The following LRP2 variants were observed in gnomAD, a reference collection of about 807,000 sequenced individuals.
The protein encoded by LRP2 is low-density lipoprotein receptor-related protein 2.
Under a neutral mutation model 531.0 loss-of-function variants are expected in LRP2, and 172 were observed. The ratio of observed to expected loss-of-function variants is 0.32; its 90% CI spans 0.29 to 0.37. LRP2 has a LOEUF of 0.37. LRP2 is among the 10% of genes least tolerant of loss of function. The probability of loss-of-function intolerance (pLI) is 1.00; values close to 1 mark genes in which losing one functional copy is unlikely to be tolerated. For missense variants in LRP2, 5,167 were observed against 5,868.3 expected, an observed-to-expected ratio of 0.88 and a Z score of 3.90; for synonymous variants, 1,992 against 2,027.6, an observed-to-expected ratio of 0.98 and a Z score of 0.47.
chr2:169,182,275 G>T lies in LRP2; in HGVS notation c.9890C>A (p.Ser3297Tyr). Residue 3297 changes from serine to tyrosine, a missense_variant, in exon 51 of 79, where the codon TCT (serine) becomes TAT (tyrosine). Ser to Tyr is a moderately radical substitution (Grantham distance 144, BLOSUM62 -2). Coordinates refer to ENST00000649046, the MANE Select transcript of LRP2 (RefSeq NM_004525.3). ...LDARLDGLFV[S>Y]DLNGGHRRML... is the part of the protein sequence containing the mutation. ...GCGGCGGTGTCCACCATTGAGGTCA[G>T]AGACAAAGAGGCCATCCAGGCGGGC... 1 of 1,614,082 alleles carries T rather than the reference G, an allele frequency of 6.2e-7. No individual in the cohort carries two copies. The highest frequency in any genetic ancestry group is 8.5e-7 in the Non-Finnish European group (1 of 1,179,962).
rs1001951284 is a variant in LRP2, at chr2:169,207,610, C to A, written c.6470-360G>T. Among the ~76,000 whole-genome samples the A allele has an allele frequency of 2.8e-4, 42 of 152,176 alleles. 1 individual carries two copies. Among genetic ancestry groups the A allele is most frequent in the African/African-American group, 1.0e-3 (42 of 41,452 alleles). On this transcript the variant is annotated intron_variant, in intron 38 of 78. Coordinates refer to ENST00000649046, the MANE Select transcript of LRP2 (RefSeq NM_004525.3). ...ACCTACTTGAAACACTCTAAATATA[C>A]ATTTTCATAGCACAACTTCCATCCC...
At chr2:169,284,322 T>G (rs1055627294) in intron 9 of LRP2, among the ~76,000 whole-genome samples, 2 of 131,998 alleles carry the variant, frequency 1.5e-5, no homozygotes, top group Non-Finnish European at 3.1e-5. Flanking sequence ...TGGAGTGCAG[T>G]GGCACAGTCT....
intron 4 of LRP2, among the ~76,000 whole-genome samples, chr2:169,305,933 C>T (rs1684402887): frequency 1.3e-5 from 2 of 152,022 alleles, no homozygotes. Flanking sequence ...ACAGTATATG[C>T]CTAGGGTATA....
At chr2:169,308,856 CTATTT>C (rs1559068482) in intron 3 of LRP2, among the ~76,000 whole-genome samples, 1 of 152,154 alleles carries the variant, frequency 6.6e-6, no homozygotes, top group East Asian at 1.9e-4. Flanking sequence ...AAAAGTGTTC[CTATTT>C]CTCCACATCC....
Position 169,172,069 on chromosome 2 carries a change from A to G in LRP2, c.11209T>C (p.Trp3737Arg). Residue 3737 changes from tryptophan to arginine, a missense_variant, in exon 58 of 79, where the codon TGG becomes CGG. Transcript: ENST00000649046. The part of the protein sequence containing the change: ...CKNHHCIPLR[W>R]QCDGQNDCGD... ...CAGTCATTTTGCCCATCACACTGCC[A>G]ACGAAGAGGGATGCAGTGGTGATTT... 6.2e-7 allele frequency: 1 copy of G among 1,614,244 alleles called. No individual in the cohort carries two copies. The highest frequency in any genetic ancestry group is 8.5e-7 in the Non-Finnish European group (1 of 1,180,028).
intron 78 of LRP2, 57 bp downstream of exon 78, chr2:169,128,956 C>T: frequency 6.5e-7 from 1 of 1,545,624 alleles, no homozygotes; most frequent in Non-Finnish European, 8.9e-7. Context: ...CCAATTTAAC[C>T]AAGCAAATAA....
intron 16 of LRP2, among the ~76,000 whole-genome samples, chr2:169,264,700 T>C (rs1034946773): frequency 6.6e-6 from 1 of 152,044 alleles, no homozygotes; most frequent in Middle Eastern, 3.4e-3. Context: ...CACCCACATA[T>C]GCAGAAGCCT....
chr2:169,315,859 C>G (rs2673167), intron 3 of LRP2, among the ~76,000 whole-genome samples: 50,033 of 149,480 alleles, frequency 0.33, 8,857 homozygotes, highest in African/African-American at 0.47. Context: ...CATGGTGGCT[C>G]ACACCTATCA....
chr2:169,294,933 A>G (rs989560531), intron 4 of LRP2, among the ~76,000 whole-genome samples: 3 of 152,152 alleles, frequency 2.0e-5, no homozygotes, highest in Non-Finnish European at 2.9e-5. Context: ...ACAAACTGGG[A>G]TAAGTGCTAA....
At chr2:169,170,702 CCAGGAATCACATA>C (rs1304242559) in intron 58 of LRP2, 35 bp from the exon 59 acceptor site, 1 of 1,407,974 alleles carries the variant, frequency 7.1e-7, no homozygotes, top group Admixed American at 1.7e-5. Flanking sequence ...TGAGTGTGCA[CCAGGAATCACATA>C]CAGGAGACAT....
At chr2:169,182,538 T>C (rs1687478910) in intron 50 of LRP2, 3 of 1,418,410 alleles carry the variant, frequency 2.1e-6, no homozygotes, top group Non-Finnish European at 2.8e-6. Context: ...CACTTTAAGG[T>C]GGTGTCATGT....
chr2:169,354,350 T>A (rs921518328), intron 1 of LRP2, among the ~76,000 whole-genome samples: 2 of 152,224 alleles, frequency 1.3e-5, no homozygotes, highest in African/African-American at 4.8e-5. Flanking sequence ...AGACCTTGGA[T>A]ATTGCTTACA....
intron 47 of LRP2, 79 bp from the exon 48 acceptor site, chr2:169,192,112 A>T: frequency 9.1e-7 from 1 of 1,099,400 alleles, no homozygotes; most frequent in Non-Finnish European, 1.3e-6. Context: ...AATGTTACTT[A>T]CCATTCTAAG....
At position 169,175,300 on chromosome 2, in the gene LRP2, C is replaced by A; in HGVS notation, c.10661G>T (p.Arg3554Leu). The change falls in exon 55 of 79, where the codon CGA becomes CTA. Residue 3554 changes from arginine to leucine, a missense_variant. Physicochemically the swap from Arg to Leu is moderately radical, Grantham distance 102. Transcript: ENST00000649046. Reference protein sequence around the residue: ...ELALCPQRFCRLGQFQCSDGN... With the variant: ...ELALCPQRFCLLGQFQCSDGN... ...GTCACTGCACTGGAACTGTCCCAGT[C>A]GGCAGAAGCGCTGCGGGCAAAGGGC... 3 of 1,614,194 alleles carry A rather than the reference C, an allele frequency of 1.9e-6. No homozygotes were observed. Among genetic ancestry groups the A allele is most frequent in the South Asian group, 2.2e-5 (2 of 91,068 alleles).
intron 19 of LRP2, among the ~76,000 whole-genome samples, chr2:169,254,509 G>C (rs1381577863): frequency 1.5e-5 from 1 of 66,830 alleles, no homozygotes; most frequent in East Asian, 4.2e-4. Flanking sequence ...CGGGGGAGGG[G>C]GGAGGGATAG....
chr2:169,170,518 A>T, intron 59 of LRP2, 33 bp downstream of exon 59: 3 of 1,564,148 alleles, frequency 1.9e-6, no homozygotes, highest in Non-Finnish European at 2.6e-6. Context: ...CACAGTACAA[A>T]ATTCTATGGT....
At chr2:169,146,425 G>A (rs1685914344) in intron 69 of LRP2, among the ~76,000 whole-genome samples, 1 of 152,188 alleles carries the variant, frequency 6.6e-6, no homozygotes, top group Non-Finnish European at 1.5e-5. Flanking sequence ...GGTTAGACAT[G>A]AATTAACATT....
At chr2:169,266,673 T>C (rs547569661) in intron 16 of LRP2, among the ~76,000 whole-genome samples, 39 of 152,152 alleles carry the variant, frequency 2.6e-4, no homozygotes, top group Admixed American at 1.4e-3. Flanking sequence ...GTATGTTATA[T>C]TGCTTACAAA....
intron 29 of LRP2, among the ~76,000 whole-genome samples, chr2:169,235,061 C>A (rs1168107625): frequency 2.0e-5 from 3 of 151,510 alleles, no homozygotes; most frequent in Non-Finnish European, 4.4e-5. Flanking sequence ...TAGGCAAACA[C>A]CCCCATGCCC....
Sources: gnomAD v4.1 joint callset for allele counts (sites outside exome capture counted in the v4.1 genomes callset) on GRCh38, gnomAD v4.1.1 for gene constraint, MANE v1.5 for transcripts, NCBI Gene and HGNC (gene_info 2026-07-23, HGNC 2026-07-21) for gene names.